Variants in NEK7 observed in about 807,000 individuals in gnomAD.
NEK7 encodes the protein serine/threonine-protein kinase Nek7.
A neutral mutation model predicts 44.6 loss-of-function variants in NEK7; 18 were observed. The observed-to-expected ratio is 0.40, with a 90% CI of 0.28 to 0.60. The LOEUF (loss-of-function observed/expected upper bound fraction) is 0.60, where lower values mean the gene tolerates loss of function less well. Among genes scored for constraint, NEK7 ranks in the 20% least tolerant of loss-of-function variants. The pLI is 0.38. For missense variants in NEK7, 256 were observed against 366.5 expected, an observed-to-expected ratio of 0.70 and a Z score of 2.46; for synonymous variants, 130 against 121.1, an observed-to-expected ratio of 1.07 and a Z score of -0.48.
chr1:198,220,621 A>C (rs1239583655), intron 1 of NEK7, among the ~76,000 whole-genome samples: 3 of 152,004 alleles, frequency 2.0e-5, no homozygotes, highest in Non-Finnish European at 4.4e-5. Context: ...GAAGTACTGG[A>C]TGACTCAGTT....
In NEK7 at chr1:198,278,870, T is replaced by G. The variant is rs1387338391; in HGVS notation, c.482-84T>G. 19 of 698,486 alleles carry G rather than the reference T, an allele frequency of 2.7e-5. No individual in the cohort carries two copies. The Admixed American group carries it at 4.8e-4, about 18-fold the overall frequency. 43.3% of individuals were successfully genotyped at this position (698,486 alleles called of 1,614,324 possible). On this transcript the variant is annotated intron_variant, in intron 6 of 9. Coordinates refer to ENST00000367385, the MANE Select transcript of NEK7 (RefSeq NM_133494.3). ...TTCATGATTAAAATAAATTTTAAAT[T>G]CTGTCACGAAAAGTAGTTGTTAATT...
chr1:198,277,773 A>G, intron 5 of NEK7, 188 bp from the exon 6 acceptor site: 1 of 525,748 alleles, frequency 1.9e-6, no homozygotes, highest in Non-Finnish European at 3.4e-6. Flanking sequence ...TAGTTATAAT[A>G]GGAAAAAAAC....
intron 2 of NEK7, among the ~76,000 whole-genome samples, chr1:198,236,047 A>G (rs950286147): frequency 2.6e-5 from 4 of 152,076 alleles, no homozygotes; most frequent in Admixed American, 1.3e-4. Flanking sequence ...GTGACTGTGG[A>G]GGGATGAAAT....
rs945347770 is a variant in NEK7, at chr1:198,247,421, G to A, written c.58-5619G>A. Reference sequence around the variant, plus strand: ...TTGGGAATCAACTAGACATTCACTTGGTTTGATGACATCTACATGATGGGA... The same window carrying A: ...TTGGGAATCAACTAGACATTCACTTAGTTTGATGACATCTACATGATGGGA... On this transcript the variant is annotated intron_variant, in intron 2 of 9. Transcript: ENST00000367385. Among the ~76,000 whole-genome samples the A allele has an allele frequency of 2.6e-5, 4 of 152,100 alleles. No individual in the cohort carries two copies. The South Asian group carries it at 8.3e-4, about 31-fold the overall frequency.
intron 9 of NEK7, among the ~76,000 whole-genome samples, chr1:198,316,828 AC>A (rs1202420770): frequency 6.6e-6 from 1 of 152,240 alleles, no homozygotes; most frequent in African/African-American, 2.4e-5. Flanking sequence ...AAAAGAAAGA[AC>A]AAAAGAGTCA....
chr1:198,249,459 T>C (rs1652833962), intron 2 of NEK7, among the ~76,000 whole-genome samples: 1 of 151,908 alleles, frequency 6.6e-6, no homozygotes, highest in South Asian at 2.1e-4. Context: ...CCCTGAGGAA[T>C]CGCCACACTG....
intron 9 of NEK7, among the ~76,000 whole-genome samples, chr1:198,300,820 A>G (rs929912741): frequency 3.3e-5 from 5 of 152,092 alleles, no homozygotes; most frequent in African/African-American, 1.2e-4. Flanking sequence ...TCTCCAAAGA[A>G]CTCTCTGTAG....
intron 1 of NEK7, among the ~76,000 whole-genome samples, chr1:198,177,110 T>A (rs1938378): frequency 0.55 from 82,818 of 151,922 alleles, 25,464 homozygotes; most frequent in East Asian, 0.9. Context: ...AGCAAAAGAC[T>A]CATTTTGTGT....
intron 1 of NEK7, among the ~76,000 whole-genome samples, chr1:198,172,218 A>G (rs1243877158): frequency 6.6e-6 from 1 of 152,202 alleles, no homozygotes; most frequent in Non-Finnish European, 1.5e-5. Context: ...TGAATAGACC[A>G]TACCAGCACT....
chr1:198,318,705 C>G (rs1655446939), intron 9 of NEK7, among the ~76,000 whole-genome samples: 1 of 152,212 alleles, frequency 6.6e-6, no homozygotes, highest in East Asian at 1.9e-4. Context: ...CTATGTTCTT[C>G]TACCCGATGG....
chr1:198,308,303 G>GT (rs1387992043), intron 9 of NEK7, among the ~76,000 whole-genome samples: 1 of 152,066 alleles, frequency 6.6e-6, no homozygotes, highest in African/African-American at 2.4e-5. Flanking sequence ...AGTCACAAAA[G>GT]TTATTTAATG....
chr1:198,303,299 T>C (rs1208290962), intron 9 of NEK7, among the ~76,000 whole-genome samples: 1 of 152,188 alleles, frequency 6.6e-6, no homozygotes, highest in Non-Finnish European at 1.5e-5. Context: ...AAATGGCTAC[T>C]GTTAAGGAAA....
At chr1:198,198,107 G>T in intron 1 of NEK7, 1 of 1,305,674 alleles carries the variant, frequency 7.7e-7, no homozygotes. Context: ...TGGTGGGTGG[G>T]CAGGATTGGA....
At chr1:198,232,122 CAGTA>C (rs772250652) in intron 1 of NEK7, among the ~76,000 whole-genome samples, 1 of 152,076 alleles carries the variant, frequency 6.6e-6, no homozygotes, top group African/African-American at 2.4e-5. Flanking sequence ...TAAAAAATCA[CAGTA>C]AGCAGTTGGA....
intron 9 of NEK7, among the ~76,000 whole-genome samples, chr1:198,301,104 T>TAG (rs1433065210): frequency 6.6e-6 from 1 of 152,234 alleles, no homozygotes; most frequent in Non-Finnish European, 1.5e-5. Context: ...ATTTTGAAAT[T>TAG]TAACTGATAC....
intron 5 of NEK7, among the ~76,000 whole-genome samples, chr1:198,274,903 A>G (rs1430015417): frequency 1.3e-5 from 2 of 151,806 alleles, no homozygotes; most frequent in Non-Finnish European, 3.0e-5. Flanking sequence ...TGGATCAGCT[A>G]TAGCCCTTTT....
At chr1:198,230,444 C>T (rs903401889) in intron 1 of NEK7, among the ~76,000 whole-genome samples, 30 of 151,944 alleles carry the variant, frequency 2.0e-4, no homozygotes, top group African/African-American at 7.2e-4. Context: ...GTAATCATTT[C>T]AAGATACACA....
chr1:198,270,598 T>C (rs1054212165), intron 5 of NEK7, among the ~76,000 whole-genome samples: 1 of 152,110 alleles, frequency 6.6e-6, no homozygotes, highest in Non-Finnish European at 1.5e-5. Flanking sequence ...GATATTTAGG[T>C]ATAGGCTATC....
At chr1:198,313,337 G>C (rs1316120634) in intron 9 of NEK7, among the ~76,000 whole-genome samples, 1 of 151,284 alleles carries the variant, frequency 6.6e-6, no homozygotes, top group Non-Finnish European at 1.5e-5. Flanking sequence ...GTGTGTCTCT[G>C]CATGTGAGAT....
Sources: allele counts gnomAD v4.1 joint callset (sites outside exome capture counted in the v4.1 genomes callset), GRCh38; gene constraint gnomAD v4.1.1; transcripts MANE v1.5; gene names NCBI Gene and HGNC (gene_info 2026-07-23, HGNC 2026-07-21).